CDKAL1: variants seen among roughly 807,000 people sequenced by gnomAD.
CDKAL1 encodes threonylcarbamoyladenosine tRNA methylthiotransferase.
A neutral mutation model predicts 68.2 loss-of-function variants in CDKAL1; 32 were observed. The observed-to-expected ratio is 0.47, with a 90% CI of 0.35 to 0.63. The LOEUF is 0.63. Ranked by LOEUF, CDKAL1 falls within the 30% of genes least tolerant of loss-of-function variation. The pLI, the probability that CDKAL1 is intolerant of heterozygous loss-of-function variation, is 0.00. For synonymous variants in CDKAL1, 234 were observed against 244.3 expected, an observed-to-expected ratio of 0.96 and a Z score of 0.39; for missense variants, 606 against 696.7, an observed-to-expected ratio of 0.87 and a Z score of 1.47.
At chr6:21,091,136 T>A (rs1182542554) in intron 12 of CDKAL1, among the ~76,000 whole-genome samples, 1 of 152,208 alleles carries the variant, frequency 6.6e-6, no homozygotes, top group Non-Finnish European at 1.5e-5. Flanking sequence ...AAGGAAAGAT[T>A]AAGACAGATC....
intron 10 of CDKAL1, among the ~76,000 whole-genome samples, chr6:20,962,779 G>A (rs1260686417): frequency 6.6e-6 from 1 of 152,080 alleles, no homozygotes; most frequent in Non-Finnish European, 1.5e-5. Context: ...AGACATGCTA[G>A]ATTACTTATT....
At chr6:21,207,954 A>G (rs150203817) in intron 15 of CDKAL1, among the ~76,000 whole-genome samples, 14 of 152,310 alleles carry the variant, frequency 9.2e-5, no homozygotes, top group African/African-American at 3.1e-4. Context: ...GGAGATTCCA[A>G]TAATACTACT....
intron 4 of CDKAL1, among the ~76,000 whole-genome samples, chr6:20,602,647 T>C (rs1286635684): frequency 6.6e-6 from 1 of 152,168 alleles, no homozygotes; most frequent in Non-Finnish European, 1.5e-5. Context: ...CCTTGGGAAG[T>C]TGGAACACTT....
intron 8 of CDKAL1, among the ~76,000 whole-genome samples, chr6:20,794,006 C>T (rs1452087368): frequency 6.6e-6 from 1 of 151,526 alleles, no homozygotes; most frequent in Non-Finnish European, 1.5e-5. Flanking sequence ...TTTGCTTATA[C>T]ATATATATCT....
At chr6:21,065,652 A>T (rs1771396490) in intron 12 of CDKAL1, among the ~76,000 whole-genome samples, 1 of 141,930 alleles carries the variant, frequency 7.0e-6, no homozygotes, top group South Asian at 2.3e-4. Flanking sequence ...TTTCTATTGG[A>T]TAGATTTGAT....
intron 4 of CDKAL1, among the ~76,000 whole-genome samples, chr6:20,607,642 C>A (rs1766390651): frequency 6.6e-6 from 1 of 151,706 alleles, no homozygotes; most frequent in African/African-American, 2.4e-5. Flanking sequence ...TTTGTTTAAA[C>A]CCGTTGCTGT....
At chr6:20,622,307 A>C (rs367565434) in intron 4 of CDKAL1, among the ~76,000 whole-genome samples, 19 of 152,070 alleles carry the variant, frequency 1.2e-4, no homozygotes, top group African/African-American at 4.3e-4. Flanking sequence ...CAAGGAAAAA[A>C]TTCTTCATGG....
rs560006422 is a variant in CDKAL1, at chr6:20,856,058, C to T, written c.742+9880C>T. On this transcript the variant is annotated intron_variant, in intron 9 of 15. Coordinates refer to ENST00000274695, the MANE Select transcript of CDKAL1 (RefSeq NM_017774.3). Reference sequence around the variant, plus strand: ...AATAAGCAAATAATGAAGTTTATGTCCTTTGGAGGAAAACTGATGTATTTA... The same window carrying T: ...AATAAGCAAATAATGAAGTTTATGTTCTTTGGAGGAAAACTGATGTATTTA... Among the ~76,000 whole-genome samples the T allele has an allele frequency of 3.3e-5, 5 of 152,282 alleles. No individual in the cohort carries two copies. The South Asian group carries it at 1.0e-3, about 32-fold the overall frequency.
intron 13 of CDKAL1, among the ~76,000 whole-genome samples, chr6:21,171,793 T>C (rs905563710): frequency 6.6e-6 from 1 of 152,346 alleles, no homozygotes; most frequent in East Asian, 1.9e-4. Context: ...ACTGCCAAAT[T>C]GCTTTTTAGA....
intron 5 of CDKAL1, among the ~76,000 whole-genome samples, chr6:20,708,827 C>CT (rs1771719304): frequency 6.6e-6 from 1 of 151,936 alleles, no homozygotes; most frequent in African/African-American, 2.4e-5. Flanking sequence ...GTGTTTCAGC[C>CT]TTTTTCTTCT....
chr6:21,204,592 A>G (rs1030850901), intron 15 of CDKAL1, among the ~76,000 whole-genome samples: 1 of 152,200 alleles, frequency 6.6e-6, no homozygotes, highest in Non-Finnish European at 1.5e-5. Context: ...TAAATATGCT[A>G]CATGTGTTCA....
chr6:20,998,106 T>C (rs543948790), intron 10 of CDKAL1, among the ~76,000 whole-genome samples: 1 of 152,274 alleles, frequency 6.6e-6, no homozygotes, highest in South Asian at 2.1e-4. Flanking sequence ...CTCACCGCAA[T>C]AGATATGTCT....
At chr6:20,915,346 G>A (rs1762675700) in intron 9 of CDKAL1, among the ~76,000 whole-genome samples, 1 of 152,058 alleles carries the variant, frequency 6.6e-6, no homozygotes, top group Admixed American at 6.6e-5. Flanking sequence ...TGAGGAACTG[G>A]CTCTCACGAC....
intron 5 of CDKAL1, among the ~76,000 whole-genome samples, chr6:20,720,654 C>G (rs560006151): frequency 9.2e-5 from 14 of 152,218 alleles, no homozygotes; most frequent in African/African-American, 3.4e-4. Flanking sequence ...CATACGCCAC[C>G]AGGCCTGGCT....
chr6:20,548,638 T>C lies in CDKAL1; in HGVS notation c.219T>C (p.Cys73=). ...IQKIWIRTWG[C]SHNNSDGEYM... is the part of the protein sequence containing the mutation. ...AAATTTGGATACGAACATGGGGTTG[T>C]TCTCATAATAATTCAGATGGAGAAT... The change falls in exon 4 of 16, where the codon TGT becomes TGC. Residue 73 remains cysteine (C), a synonymous_variant. Coordinates refer to ENST00000274695, the MANE Select transcript of CDKAL1 (RefSeq NM_017774.3). 3 of 1,601,886 alleles carry C rather than the reference T, an allele frequency of 1.9e-6. No individual in the cohort carries two copies. Among genetic ancestry groups the C allele is most frequent in the Non-Finnish European group, 2.6e-6 (3 of 1,170,054 alleles).
rs9358370 is a variant in CDKAL1 at position 20,807,501 on chromosome 6, G to A, written c.638+26236G>A. Among the ~76,000 whole-genome samples the A allele has an allele frequency of 2.9e-3, 438 of 152,232 alleles. 21 individuals carry two copies. The East Asian group carries it at 0.061, about 21-fold the overall frequency. ...CTCCCAAAGTGCTGGGACTACAGGC[G>A]CAAGCCACTGTACCCGGCCTGAAAT... On this transcript the variant is annotated intron_variant, in intron 8 of 15. Coordinates refer to ENST00000274695, the MANE Select transcript of CDKAL1 (RefSeq NM_017774.3).
intron 11 of CDKAL1, among the ~76,000 whole-genome samples, chr6:21,019,940 G>A (rs1265058061): frequency 1.3e-5 from 2 of 150,444 alleles, no homozygotes; most frequent in African/African-American, 4.9e-5. Context: ...TCTCTTTTGT[G>A]TCTTTGTTAT....
chr6:20,822,279 G>A (rs9465906), intron 8 of CDKAL1, among the ~76,000 whole-genome samples: 45,048 of 152,028 alleles, frequency 0.3, 7,080 homozygotes, highest in East Asian at 0.53. Context: ...TTGAACAACA[G>A]GAAAGTAGTT....
chr6:20,701,764 G>A (rs1306215271), intron 5 of CDKAL1, among the ~76,000 whole-genome samples: 2 of 152,122 alleles, frequency 1.3e-5, no homozygotes, highest in African/African-American at 4.8e-5. Flanking sequence ...TACCTGGTGT[G>A]TAGGAGTTTT....
Sources: gnomAD v4.1 joint callset for allele counts (sites outside exome capture counted in the v4.1 genomes callset) on GRCh38, gnomAD v4.1.1 for gene constraint, MANE v1.5 for transcripts, NCBI Gene and HGNC (gene_info 2026-07-23, HGNC 2026-07-21) for gene names.